The following VWCE variants were observed in gnomAD, a reference collection of about 807,000 sequenced individuals.
VWCE encodes von Willebrand factor C and EGF domains.
Under a neutral mutation model 102.9 loss-of-function variants are expected in VWCE, and 68 were observed. The ratio of observed to expected loss-of-function variants is 0.66; its 90% CI spans 0.54 to 0.81. The LOEUF is 0.81. Among genes scored for constraint, VWCE ranks in the 30% least tolerant of loss-of-function variants. The pLI, the probability that VWCE is intolerant of heterozygous loss-of-function variation, is 0.00. For missense variants in VWCE, 1,137 were observed against 1,263.6 expected (o/e 0.90, Z 1.52); for synonymous variants, 497 against 515.4 (o/e 0.96, Z 0.48).
chr11:61,286,118 C>A, intron 5 of VWCE, 196 bp downstream of exon 5: 2 of 638,188 alleles, frequency 3.1e-6, no homozygotes, highest in South Asian at 3.6e-5. Context: ...CTCTTACTAA[C>A]GACTTGGCCT....
chr11:61,278,449 G>T lies in VWCE; in HGVS notation c.1352C>A (p.Ala451Asp). The T allele has an allele frequency of 6.2e-7, 1 of 1,614,162 alleles. No individual in the cohort carries two copies. Among genetic ancestry groups the T allele is most frequent in the Non-Finnish European group, 8.5e-7 (1 of 1,180,024 alleles). Residue 451 changes from alanine to aspartate, a missense_variant, in exon 10 of 20, where the codon GCT (alanine) becomes GAT (aspartate). By Grantham distance (126) the Ala-to-Asp change is moderately radical. Coordinates refer to ENST00000335613, the MANE Select transcript of VWCE (RefSeq NM_152718.2). ...GGGAGGTGAAAACACATCCCCTTCA[G>T]CTCGGACGACACCACTGTGAAAACA... The part of the protein sequence containing the change: ...TGCFHSGVVR[A>D]EGDVFSPPNE...
intron 19 of VWCE, among the ~76,000 whole-genome samples, chr11:61,260,758 T>A (rs1854330972): frequency 6.6e-6 from 1 of 152,156 alleles, no homozygotes; most frequent in African/African-American, 2.4e-5. Context: ...CACATATTGA[T>A]AACCCAGGAA....
Position 61,273,313 on chromosome 11 carries a change from C to A in VWCE, c.1585G>T (p.Gly529Trp), listed in dbSNP as rs1260175536. ...DECTTCVCQN[G>W]EVECSFMPCP... ...GGCATGAAGGAGCACTCCACCTCCC[C>A]ATTCTGGAAGAGAGCCCAGGCACAG... The change falls in exon 13 of 20, where the codon GGG (glycine) becomes TGG (tryptophan). Residue 529 changes from glycine to tryptophan, a missense_variant. By Grantham distance (184) the Gly-to-Trp change is radical (BLOSUM62 -2). Around this residue, in one of 5 missense-constraint regions of VWCE, gnomAD observed 212 missense variants for 235.1 expected, o/e 0.90. Transcript: ENST00000335613. 1 of 1,608,854 alleles carries A rather than the reference C, an allele frequency of 6.2e-7. No homozygotes were observed.
chr11:61,278,552 C>A, intron 9 of VWCE, 76 bp from the exon 10 acceptor site: 1 of 1,363,192 alleles, frequency 7.3e-7, no homozygotes, highest in East Asian at 2.3e-5. Flanking sequence ...GCTGCTTCTC[C>A]ATGCTTAATG....
At chr11:61,291,038 G>A (rs1286806971) in intron 3 of VWCE, 111 bp from the exon 4 acceptor site, 1 of 1,480,940 alleles carries the variant, frequency 6.8e-7, no homozygotes, top group East Asian at 2.3e-5. Flanking sequence ...AAGGCAAACA[G>A]GCCTGGGTTT....
chr11:61,270,062 T>C (rs1287099586), intron 14 of VWCE, among the ~76,000 whole-genome samples: 1 of 151,610 alleles, frequency 6.6e-6, no homozygotes, highest in Non-Finnish European at 1.5e-5. Flanking sequence ...GGATTACAGG[T>C]GCCCGCCACC....
In VWCE at chr11:61,267,451, G is replaced by A; in HGVS notation, c.1965+11C>T. 1 of 1,613,904 alleles carries A rather than the reference G, an allele frequency of 6.2e-7. No homozygotes were observed. The highest frequency in any genetic ancestry group is 8.5e-7 in the Non-Finnish European group (1 of 1,179,800). On this transcript the variant is annotated intron_variant, in intron 16 of 19. Transcript: ENST00000335613. ...TTCCAGGGGCGGGAGTCAGATCTGG[G>A]TGGTCCATACCAGGCAGATGCAGCT... is the stretch of plus-strand genomic sequence containing the variant.
chr11:61,288,424 AC>A lies in VWCE; in HGVS notation c.425-1995del, dbSNP rs1156834584. Among the ~76,000 whole-genome samples, 13 of 151,424 alleles carry A rather than the reference AC, an allele frequency of 8.6e-5. 1 individual carries two copies. In the South Asian group the frequency reaches 2.1e-3, roughly 24 times the overall value. On this transcript the variant is annotated intron_variant, in intron 4 of 19. Coordinates refer to ENST00000335613, the MANE Select transcript of VWCE (RefSeq NM_152718.2). ...ACTGTGGCCCCCAAGCCCATGGGACACCCCCACTCTCCTTATCCCCTACTTA... is the reference window on the plus strand; with the variant it reads ...ACTGTGGCCCCCAAGCCCATGGGACACCCCACTCTCCTTATCCCCTACTTA...
At chr11:61,291,444 T>C in intron 2 of VWCE, 38 bp downstream of exon 2, 2 of 1,563,142 alleles carry the variant, frequency 1.3e-6, no homozygotes, top group Non-Finnish European at 1.7e-6. Flanking sequence ...CACACACTGC[T>C]GGAGGAGAAG....
At chr11:61,270,907 A>G (rs561426464) in intron 14 of VWCE, among the ~76,000 whole-genome samples, 3 of 147,840 alleles carry the variant, frequency 2.0e-5, no homozygotes, top group Non-Finnish European at 4.4e-5. Context: ...GGCTCACTGC[A>G]GCCTCGACCT....
intron 10 of VWCE, among the ~76,000 whole-genome samples, chr11:61,277,445 C>CA (rs776374059): frequency 0.034 from 1,842 of 53,808 alleles, 24 homozygotes; most frequent in African/African-American, 0.087. Flanking sequence ...CCTGCCTCTA[C>CA]AAAAAAAAAA....
rs781499839 is a variant in VWCE, at chr11:61,258,847, G to A, written c.2696C>T (p.Ser899Leu). Residue 899 changes from serine to leucine, a missense_variant, in exon 20 of 20, where the codon TCA becomes TTA. By Grantham distance (145) the Ser-to-Leu change is moderately radical. Transcript: ENST00000335613. ...GCTGGGGTCCATCATGGAAAGTGCT[G>A]AAGCTTCCGTCAGGAGGGTGCCAGG... ...PLPGTLLTEA[S>L]ALSMMDPSPS... The A allele has an allele frequency of 7.9e-6, 12 of 1,518,654 alleles. No homozygotes were observed. In the East Asian group the frequency reaches 2.7e-4, roughly 34 times the overall value. 94.1% of individuals were successfully genotyped at this position (1,518,654 alleles called of 1,614,324 possible). A position where few individuals can be genotyped will look rare whatever the true frequency, so the allele number is the denominator to read the frequency against.
At chr11:61,275,971 A>G (rs1054688426) in intron 11 of VWCE, among the ~76,000 whole-genome samples, 2 of 152,246 alleles carry the variant, frequency 1.3e-5, no homozygotes, top group African/African-American at 2.4e-5. Context: ...TGCTGTGCAC[A>G]TAAGTGCACA....
chr11:61,268,081 T>A (rs557825918), intron 15 of VWCE, among the ~76,000 whole-genome samples: 4 of 150,810 alleles, frequency 2.7e-5, no homozygotes, highest in Non-Finnish European at 4.4e-5. Flanking sequence ...TTTAAAAAAA[T>A]AAAATAAAAT....
intron 9 of VWCE, among the ~76,000 whole-genome samples, chr11:61,279,627 C>T (rs1855053879): frequency 6.6e-6 from 1 of 152,106 alleles, no homozygotes; most frequent in Non-Finnish European, 1.5e-5. Flanking sequence ...CTTAGGAAGA[C>T]TTTTTAACTA....
At chr11:61,267,670 C>T (rs1467360144) in intron 15 of VWCE, 126 bp from the exon 16 acceptor site, 3 of 803,802 alleles carry the variant, frequency 3.7e-6, no homozygotes, top group African/African-American at 1.7e-5. Flanking sequence ...CAGGCAGTCA[C>T]CCTGGGAGTT....
chr11:61,278,895 T>C (rs562324006), intron 9 of VWCE, among the ~76,000 whole-genome samples: 3 of 151,852 alleles, frequency 2.0e-5, no homozygotes, highest in Admixed American at 6.6e-5. Context: ...AAAAATTAGC[T>C]GGGCGTGGTG....
intron 12 of VWCE, 87 bp downstream of exon 12, chr11:61,274,412 T>A (rs1854840172): frequency 7.8e-7 from 1 of 1,288,878 alleles, no homozygotes; most frequent in East Asian, 2.4e-5. Flanking sequence ...ACTCATGTTC[T>A]CCTAGTCATG....
At position 61,276,714 on chromosome 11, in the gene VWCE, C is replaced by T. The variant is rs774833036; in HGVS notation, c.1408-34G>A. On this transcript the variant is annotated intron_variant, in intron 10 of 19. Coordinates refer to ENST00000335613, the MANE Select transcript of VWCE (RefSeq NM_152718.2). ...GAGGCAAGAGAGGGCACTGGGGGTG[C>T]GGGTGTGGAACAGGGTTCATTCCCC... 7 of 1,539,118 alleles carry T rather than the reference C, an allele frequency of 4.5e-6. No homozygotes were observed. In the East Asian group the frequency reaches 7.0e-5, roughly 15 times the overall value.
Sources: allele counts gnomAD v4.1 joint callset (sites outside exome capture counted in the v4.1 genomes callset), GRCh38; gene constraint gnomAD v4.1.1; regional missense constraint gnomAD v4.1.1; transcripts MANE v1.5; gene names NCBI Gene and HGNC (gene_info 2026-07-23, HGNC 2026-07-21).